Variants in PRPF4 observed in about 807,000 individuals in gnomAD.
PRPF4 encodes pre-mRNA splicing tri-snRNP complex factor PRPF4.
PRPF4 carries 14 observed loss-of-function variants against 72.2 expected under a neutral mutation model. The observed-to-expected ratio is 0.19, with a 90% CI of 0.13 to 0.30. The LOEUF is 0.30. Ranked by LOEUF, PRPF4 falls within the 10% of genes least tolerant of loss-of-function variation. The pLI is 1.00. For missense variants in PRPF4, 478 were observed against 653.9 expected, an observed-to-expected ratio of 0.73 and a Z score of 2.93; for synonymous variants, 225 against 232.2, an observed-to-expected ratio of 0.97 and a Z score of 0.28.
chr9:113,280,010 G>A (rs1388624816), intron 3 of PRPF4, among the ~76,000 whole-genome samples: 1 of 151,966 alleles, frequency 6.6e-6, no homozygotes, highest in Non-Finnish European at 1.5e-5. Context: ...TTGTTGGAAG[G>A]GTTTTTTCTA....
intron 2 of PRPF4, 72 bp downstream of exon 2, chr9:113,276,797 G>A (rs996142099): frequency 6.9e-7 from 1 of 1,446,588 alleles, no homozygotes; most frequent in African/African-American, 1.4e-5. Flanking sequence ...AAATACCACA[G>A]TTTTATAATG....
chr9:113,277,867 A>C (rs1832158711), intron 2 of PRPF4, among the ~76,000 whole-genome samples: 2 of 152,156 alleles, frequency 1.3e-5, no homozygotes, highest in Admixed American at 1.3e-4. Flanking sequence ...GGGCATGGTG[A>C]CACGTGCCTG....
At position 113,290,603 on chromosome 9, in the gene PRPF4, A is replaced by G. The variant is rs763310812; in HGVS notation, c.1145+15A>G. 6.2e-6 allele frequency: 10 copies of G among 1,614,004 alleles called. No homozygotes were observed. The highest frequency in any genetic ancestry group is 8.5e-6 in the Non-Finnish European group (10 of 1,180,026). ...GCTGGCACTGGGTAAGGCTTCTCCC[A>G]TGTAGTCAGGGGCAGTTCAGTACTC... On this transcript the variant is annotated intron_variant, in intron 11 of 13. Coordinates refer to ENST00000374198, the MANE Select transcript of PRPF4 (RefSeq NM_001244926.2).
rs532375163 is a variant in PRPF4 at position 113,287,501 on chromosome 9, C to T, written c.932+673C>T. On this transcript the variant is annotated intron_variant, in intron 9 of 13. Transcript: ENST00000374198. ...TTGTTTTCCAAAAAAAAAAAAACTTCGGAAGCACCCTGTTGGCCAAAAGGC... is the reference window on the plus strand; with the variant it reads ...TTGTTTTCCAAAAAAAAAAAAACTTTGGAAGCACCCTGTTGGCCAAAAGGC... 1.2e-4 allele frequency among the ~76,000 whole-genome samples: 18 copies of T among 151,344 alleles called. No individual in the cohort carries two copies. In the East Asian group the frequency reaches 1.7e-3, roughly 15 times the overall value.
At chr9:113,276,432 C>T in intron 1 of PRPF4, 116 bp from the exon 2 acceptor site, 1 of 1,177,226 alleles carries the variant, frequency 8.5e-7, no homozygotes, top group African/African-American at 1.5e-5. Context: ...CCAATTTGTC[C>T]TTTCAATTAC....
At position 113,276,581 on chromosome 9, in the gene PRPF4, G is replaced by C; in HGVS notation, c.61G>C (p.Ala21Pro). ...TKTKAPDDLV[A>P]PVVKKPHIYY... is the part of the protein sequence containing the mutation. Reference sequence around the variant, plus strand: ...AACTAAAGCACCCGACGACTTAGTTGCTCCGGTCGTGAAGAAACCACACAT... The same window carrying C: ...AACTAAAGCACCCGACGACTTAGTTCCTCCGGTCGTGAAGAAACCACACAT... Residue 21 changes from alanine (A) to proline (P), a missense_variant, in exon 2 of 14, where the codon GCT (alanine) becomes CCT (proline). By Grantham distance (27) the Ala-to-Pro change is conservative (BLOSUM62 -1). Transcript: ENST00000374198. 1 of 1,614,182 alleles carries C rather than the reference G, an allele frequency of 6.2e-7. No homozygotes were observed. The highest frequency in any genetic ancestry group is 1.1e-5 in the South Asian group (1 of 91,084).
intron 3 of PRPF4, among the ~76,000 whole-genome samples, chr9:113,279,335 TTTTTGTTTTGTTTTGTTTTG>T (rs148026338): frequency 0.23 from 35,012 of 150,120 alleles, 4,771 homozygotes; most frequent in South Asian, 0.38. Context: ...TGTTTGTTCG[TTTTTGTTTTGTTTTGTTTTG>T]TTTTGTTTTG....
intron 3 of PRPF4, among the ~76,000 whole-genome samples, chr9:113,279,597 C>G (rs528905316): frequency 6.6e-6 from 1 of 152,174 alleles, no homozygotes; most frequent in South Asian, 2.1e-4. Context: ...CCATGTTGGC[C>G]AGGCTGGTCT....
In PRPF4 at chr9:113,278,993, T is replaced by C; in HGVS notation, c.254T>C (p.Val85Ala). 6.2e-7 allele frequency: 1 copy of C among 1,614,164 alleles called. No individual in the cohort carries two copies. The highest frequency in any genetic ancestry group is 8.5e-7 in the Non-Finnish European group (1 of 1,180,032). The change falls in exon 3 of 14, where the codon GTA becomes GCA. Residue 85 changes from valine (V) to alanine (A), a missense_variant. By Grantham distance (64) the Val-to-Ala change is moderately conservative (BLOSUM62 0). Coordinates refer to ENST00000374198, the MANE Select transcript of PRPF4 (RefSeq NM_001244926.2). ...CATATCAGCGAGCGACAGGCAGAAG[T>C]ATTGGCTGAGTTTGAGAGAAGGAAG... is the stretch of plus-strand genomic sequence containing the variant. ...EEHISERQAE[V>A]LAEFERRKRA...
Position 113,282,904 on chromosome 9 carries a change from G to A in PRPF4, c.480+171G>A, listed in dbSNP as rs527669727. 1.7e-5 allele frequency: 17 copies of A among 1,007,408 alleles called. No homozygotes were observed. In the South Asian group the frequency reaches 2.2e-4, roughly 13 times the overall value. 62.4% of individuals were successfully genotyped at this position (1,007,408 alleles called of 1,614,324 possible). A position where few individuals can be genotyped will look rare whatever the true frequency, so the allele number is the denominator to read the frequency against. ...GTAGTTTTGGTTCCTTTGTAAGTAT[G>A]AATGGAGCTAAGTGAGTTTTCCAGT... is the stretch of plus-strand genomic sequence containing the variant. On this transcript the variant is annotated intron_variant, in intron 4 of 13. Coordinates refer to ENST00000374198, the MANE Select transcript of PRPF4 (RefSeq NM_001244926.2).
intron 9 of PRPF4, among the ~76,000 whole-genome samples, chr9:113,287,701 G>A (rs1261967276): frequency 6.6e-6 from 1 of 152,080 alleles, no homozygotes; most frequent in Non-Finnish European, 1.5e-5. Flanking sequence ...ATTCCCCTTG[G>A]GCTTTGGCTT....
Position 113,286,685 on chromosome 9 carries a change from C to A in PRPF4, c.809-20C>A, listed in dbSNP as rs1224452979. The A allele has an allele frequency of 6.2e-7, 1 of 1,613,930 alleles. No homozygotes were observed. The highest frequency in any genetic ancestry group is 2.2e-5 in the East Asian group (1 of 44,894). On this transcript the variant is annotated intron_variant, in intron 8 of 13. Coordinates refer to ENST00000374198, the MANE Select transcript of PRPF4 (RefSeq NM_001244926.2). ...AAAGAGGCAGGAACCTTTTAACTTG[C>A]ATCTCTTACACTCCTTTAGGGCATA...
intron 9 of PRPF4, among the ~76,000 whole-genome samples, chr9:113,287,328 G>A (rs1216829697): frequency 6.6e-6 from 1 of 152,086 alleles, no homozygotes; most frequent in East Asian, 1.9e-4. Context: ...TTGGCAGTTC[G>A]TTGGTTCTTA....
chr9:113,286,125 TA>T, intron 7 of PRPF4, 106 bp from the exon 8 acceptor site: 2 of 1,270,814 alleles, frequency 1.6e-6, no homozygotes, highest in Non-Finnish European at 2.3e-6. Context: ...TCAGCCATTG[TA>T]AAGTTTATTG....
chr9:113,283,073 G>GT (rs1212755624), intron 4 of PRPF4, 59 bp from the exon 5 acceptor site: 35 of 1,610,672 alleles, frequency 2.2e-5, no homozygotes, highest in Non-Finnish European at 2.9e-5. Flanking sequence ...AGAAATGACA[G>GT]TTATAAGAGG....
At chr9:113,282,853 C>G in intron 4 of PRPF4, 120 bp downstream of exon 4, 2 of 1,040,798 alleles carry the variant, frequency 1.9e-6, no homozygotes, top group Non-Finnish European at 2.8e-6. Flanking sequence ...TTTGAAGGCT[C>G]TACCATTCAA....
At chr9:113,277,163 CTTA>C (rs1832134236) in intron 2 of PRPF4, among the ~76,000 whole-genome samples, 1 of 152,068 alleles carries the variant, frequency 6.6e-6, no homozygotes, top group Non-Finnish European at 1.5e-5. Flanking sequence ...TGCCTACCCC[CTTA>C]TTATCATGCA....
rs577825574 is a variant in PRPF4 at position 113,292,016 on chromosome 9, G to A, written c.*356G>A. The stretch of plus-strand genomic sequence containing the variant: ...TCGCTTGAGCTCAGGAGTTCAAGAC[G>A]AGCCTGGGCAACATGGCAAATGCCG... On this transcript the variant is annotated 3_prime_UTR_variant, in exon 14 of 14. Transcript: ENST00000374198. 1.5e-4 allele frequency: 24 copies of A among 156,930 alleles called. No homozygotes were observed. The highest frequency in any genetic ancestry group is 5.0e-4 in the African/African-American group (21 of 41,718). The allele number at this position is 156,930 out of a possible 1,614,324, so 9.7% of individuals were successfully genotyped here. A position where few individuals can be genotyped will look rare whatever the true frequency, so the allele number is the denominator to read the frequency against.
intron 10 of PRPF4, 83 bp from the exon 11 acceptor site, chr9:113,290,383 G>A (rs1832572640): frequency 1.3e-6 from 2 of 1,577,596 alleles, no homozygotes; most frequent in East Asian, 2.2e-5. Context: ...AATAACTTAA[G>A]CTATAATGGC....
Sources: allele counts gnomAD v4.1 joint callset (sites outside exome capture counted in the v4.1 genomes callset), GRCh38; gene constraint gnomAD v4.1.1; transcripts MANE v1.5; gene names NCBI Gene and HGNC (gene_info 2026-07-23, HGNC 2026-07-21).